Variants in LRRC40 observed in about 807,000 individuals in gnomAD.
LRRC40 encodes the protein leucine rich repeat containing 40.
LRRC40 carries 76 observed loss-of-function variants against 72.8 expected under a neutral mutation model. The ratio of observed to expected loss-of-function variants is 1.04; its 90% CI spans 0.87 to 1.26. The LOEUF is 1.26. Among genes scored for constraint, LRRC40 ranks in the 50% most tolerant of loss-of-function variants. The probability of loss-of-function intolerance (pLI) is 0.00; values close to 1 mark genes in which losing one functional copy is unlikely to be tolerated. For missense variants in LRRC40, 684 were observed against 698.9 expected (o/e 0.98, Z 0.24); for synonymous variants, 243 against 254.2 (o/e 0.96, Z 0.42).
Position 70,187,266 on chromosome 1 carries a change from T to G in LRRC40, c.406A>C (p.Ser136Arg). The G allele has an allele frequency of 6.7e-7, 1 of 1,502,314 alleles. No individual in the cohort carries two copies. Among genetic ancestry groups the G allele is most frequent in the African/African-American group, 1.4e-5 (1 of 72,620 alleles). 93.1% of individuals were successfully genotyped at this position (1,502,314 alleles called of 1,614,324 possible). Residue 136 changes from serine (S) to arginine (R), a missense_variant and splice_region_variant, in exon 3 of 15, where the codon AGC becomes CGC. Physicochemically the swap from Ser to Arg is moderately radical, Grantham distance 110. Coordinates refer to ENST00000370952, the MANE Select transcript of LRRC40 (RefSeq NM_017768.5). ...ELENLQKLNV[S>R]HNKLKILPEE... ...TAAGTAAATAAGCTTAATTTTTACC[T>G]GACATTAAGTTTCTGAAGATTTTCT...
intron 13 of LRRC40, among the ~76,000 whole-genome samples, chr1:70,150,906 T>C (rs932435147): frequency 2.0e-5 from 3 of 152,210 alleles, no homozygotes; most frequent in African/African-American, 4.8e-5. Context: ...AGGCCACAGG[T>C]TTCTCAAAAT....
Position 70,181,145 on chromosome 1 carries a change from C to A in LRRC40, c.602G>T (p.Arg201Leu). 1.9e-6 allele frequency: 3 copies of A among 1,600,640 alleles called. No individual in the cohort carries two copies. The Admixed American group carries it at 5.1e-5, about 27-fold the overall frequency. Residue 201 changes from arginine to leucine, a missense_variant, in exon 5 of 15, where the codon CGA (arginine) becomes CTA (leucine). Transcript: ENST00000370952. The part of the protein sequence containing the change: ...ASFSSLSSLV[R>L]LNLSSNELKS... ...CAGTTCATTACTAGAAAGATTGAGT[C>A]GCACCAGACTGGACAGAGAAGAAAA...
At chr1:70,147,539 C>A (rs1667338604) in intron 14 of LRRC40, among the ~76,000 whole-genome samples, 1 of 152,128 alleles carries the variant, frequency 6.6e-6, no homozygotes, top group African/African-American at 2.4e-5. Flanking sequence ...TGACTGGTTG[C>A]TGAAAATGTT....
chr1:70,148,281 A>G (rs1667366073), intron 14 of LRRC40, among the ~76,000 whole-genome samples: 1 of 152,176 alleles, frequency 6.6e-6, no homozygotes, highest in Admixed American at 6.6e-5. Context: ...ATATTCACAC[A>G]TATACCATAT....
chr1:70,149,235 T>G (rs192516835), intron 13 of LRRC40, among the ~76,000 whole-genome samples: 77 of 152,312 alleles, frequency 5.1e-4, no homozygotes, highest in African/African-American at 1.7e-3. Context: ...GTAAAATGGC[T>G]GAGGACCCCG....
intron 5 of LRRC40, chr1:70,180,145 G>C (rs1439569974): frequency 6.6e-6 from 1 of 152,032 alleles, no homozygotes. Flanking sequence ...TTGAGAGAGA[G>C]AGAAGAGGTC....
chr1:70,187,411 C>A, intron 2 of LRRC40, 73 bp from the exon 3 acceptor site: 1 of 734,952 alleles, frequency 1.4e-6, no homozygotes, highest in South Asian at 1.7e-5. Flanking sequence ...TGCCAGTGTA[C>A]AAAACTATTA....
rs1667248078 is a variant in LRRC40, at chr1:70,144,972, G to GTGT, written c.*825_*827dup. On this transcript the variant is annotated 3_prime_UTR_variant, in exon 15 of 15. Coordinates refer to ENST00000370952, the MANE Select transcript of LRRC40 (RefSeq NM_017768.5). ...ACTTCTTAATAGAATCATATGGTAA[G>GTGT]TGTTATAATGACTAATCAACCTACT... 6.6e-6 allele frequency: 1 copy of GTGT among 152,076 alleles called. No homozygotes were observed. Among genetic ancestry groups the GTGT allele is most frequent in the Non-Finnish European group, 1.5e-5 (1 of 68,014 alleles). The allele number at this position is 152,076 out of a possible 1,614,324, so 9.4% of individuals were successfully genotyped here. A position where few individuals can be genotyped will look rare whatever the true frequency, so the allele number is the denominator to read the frequency against.
At chr1:70,158,348 T>C (rs1667686648) in intron 10 of LRRC40, among the ~76,000 whole-genome samples, 1 of 152,112 alleles carries the variant, frequency 6.6e-6, no homozygotes, top group Admixed American at 6.5e-5. Flanking sequence ...TAAAAGACCA[T>C]ACACTGATGT....
At chr1:70,187,112 G>C (rs1362213756) in intron 3 of LRRC40, among the ~76,000 whole-genome samples, 153 bp downstream of exon 3, 1 of 151,394 alleles carries the variant, frequency 6.6e-6, no homozygotes, top group African/African-American at 2.4e-5. Context: ...TACAAACTAA[G>C]AATTAAAGCT....
chr1:70,195,306 A>G (rs1668583449), intron 1 of LRRC40, among the ~76,000 whole-genome samples: 1 of 152,104 alleles, frequency 6.6e-6, no homozygotes. Context: ...ACTGATATAG[A>G]TATCTGAGAC....
intron 1 of LRRC40, among the ~76,000 whole-genome samples, chr1:70,204,042 T>C (rs752823348): frequency 6.6e-6 from 1 of 152,252 alleles, no homozygotes; most frequent in South Asian, 2.1e-4. Context: ...TATATAACAA[T>C]AACCTAAGCA....
chr1:70,175,711 T>C (rs1187846428), intron 7 of LRRC40, 99 bp downstream of exon 7: 1 of 848,248 alleles, frequency 1.2e-6, no homozygotes, highest in Admixed American at 3.6e-5. Context: ...GAATTCAATT[T>C]AGAAAAAAGG....
intron 1 of LRRC40, 24 bp from the exon 2 acceptor site, chr1:70,189,297 GGAAA>G: frequency 1.3e-6 from 1 of 770,620 alleles, no homozygotes; most frequent in South Asian, 4.7e-5. Context: ...CACCACACCA[GGAAA>G]AAAAAAAAAA....
At chr1:70,189,365 C>A in intron 1 of LRRC40, 92 bp from the exon 2 acceptor site, 3 of 1,021,984 alleles carry the variant, frequency 2.9e-6, no homozygotes, top group Non-Finnish European at 2.8e-6. Flanking sequence ...TTTATAATAG[C>A]CATTCCATTT....
chr1:70,193,083 C>A (rs1668536285), intron 1 of LRRC40, among the ~76,000 whole-genome samples: 1 of 151,874 alleles, frequency 6.6e-6, no homozygotes, highest in Non-Finnish European at 1.5e-5. Flanking sequence ...CCACAATGAT[C>A]TAAGCTACAA....
intron 1 of LRRC40, among the ~76,000 whole-genome samples, chr1:70,191,705 T>C (rs1330335096): frequency 1.3e-5 from 2 of 152,276 alleles, no homozygotes; most frequent in East Asian, 3.9e-4. Context: ...AAAAAGCATA[T>C]ATAGTCTTAA....
chr1:70,180,989 C>T, intron 5 of LRRC40, 97 bp downstream of exon 5: 3 of 859,294 alleles, frequency 3.5e-6, no homozygotes, highest in Non-Finnish European at 4.9e-6. Context: ...TAAAAATCTA[C>T]TACTTTAGTT....
chr1:70,189,711 T>C (rs1229509382), intron 1 of LRRC40, among the ~76,000 whole-genome samples: 1 of 152,254 alleles, frequency 6.6e-6, no homozygotes, highest in African/African-American at 2.4e-5. Flanking sequence ...CTAGTAATAA[T>C]GGCTAACACT....
Sources: gnomAD v4.1 joint callset for allele counts (sites outside exome capture counted in the v4.1 genomes callset) on GRCh38, gnomAD v4.1.1 for gene constraint, MANE v1.5 for transcripts, NCBI Gene and HGNC (gene_info 2026-07-23, HGNC 2026-07-21) for gene names.